Variants in RSBN1L observed in about 807,000 individuals in gnomAD.
RSBN1L encodes the protein round spermatid basic protein 1 like, also known as lysine-specific demethylase RSBN1L.
In RSBN1L, 30 loss-of-function variants were observed where a neutral mutation model predicts 67.7. The ratio of observed to expected loss-of-function variants is 0.44; its 90% CI spans 0.33 to 0.60. The LOEUF is 0.60. Ranked by LOEUF, RSBN1L falls within the 20% of genes least tolerant of loss-of-function variation. RSBN1L has a pLI of 0.02. For synonymous variants in RSBN1L, 433 were observed against 387.0 expected (o/e 1.12, Z -1.39); for missense variants, 992 against 1,031.7 (o/e 0.96, Z 0.53).
chr7:77,719,417 A>T (rs140232436), intron 1 of RSBN1L, among the ~76,000 whole-genome samples: 93 of 152,368 alleles, frequency 6.1e-4, no homozygotes, highest in Non-Finnish European at 7.2e-4. Context: ...CATTTGCATT[A>T]CAGAGTATAA....
At chr7:77,728,762 T>C (rs1584285193) in intron 1 of RSBN1L, among the ~76,000 whole-genome samples, 1 of 152,184 alleles carries the variant, frequency 6.6e-6, no homozygotes, top group Non-Finnish European at 1.5e-5. Context: ...TGTAAAACTT[T>C]TAGTCTTGGG....
intron 2 of RSBN1L, among the ~76,000 whole-genome samples, chr7:77,737,289 A>G (rs1791350327): frequency 6.6e-6 from 1 of 152,190 alleles, no homozygotes; most frequent in Admixed American, 6.5e-5. Flanking sequence ...TAGTGCTATC[A>G]TGTTGATAGT....
intron 1 of RSBN1L, among the ~76,000 whole-genome samples, chr7:77,727,724 C>T (rs2150418418): frequency 6.6e-6 from 1 of 152,006 alleles, no homozygotes; most frequent in Admixed American, 6.6e-5. Flanking sequence ...CCTGAGCCTC[C>T]CAGAGTGTTT....
At chr7:77,751,977 A>G (rs1239891051) in intron 3 of RSBN1L, among the ~76,000 whole-genome samples, 3 of 152,230 alleles carry the variant, frequency 2.0e-5, no homozygotes, top group Non-Finnish European at 2.9e-5. Flanking sequence ...GCATCACATT[A>G]CATGCTTTTC....
chr7:77,746,388 A>G (rs943168622), intron 2 of RSBN1L, among the ~76,000 whole-genome samples: 19 of 152,230 alleles, frequency 1.2e-4, no homozygotes, highest in African/African-American at 4.3e-4. Context: ...AAACAACCAG[A>G]TGTCACTCAC....
chr7:77,702,698 C>T (rs981726568), intron 1 of RSBN1L, among the ~76,000 whole-genome samples: 1 of 152,238 alleles, frequency 6.6e-6, no homozygotes, highest in Non-Finnish European at 1.5e-5. Context: ...GAATGGGTGA[C>T]TTAACAGAAA....
chr7:77,766,221 C>T (rs999816918), intron 4 of RSBN1L, among the ~76,000 whole-genome samples: 1 of 152,138 alleles, frequency 6.6e-6, no homozygotes, highest in Non-Finnish European at 1.5e-5. Context: ...TTTGAGACAG[C>T]CTCACTCTCT....
rs796126125 is a variant in RSBN1L at position 77,703,477 on chromosome 7, G to T, written c.586+6422G>T. Among the ~76,000 whole-genome samples, 187 of 61,594 alleles carry T rather than the reference G, an allele frequency of 3.0e-3. 2 individuals are homozygous for T. Among genetic ancestry groups the T allele is most frequent in the African/African-American group, 0.012 (175 of 14,744 alleles). The allele number at this position is 61,594 out of a possible 152,430, so 40.4% of individuals were successfully genotyped here. ...GTGTCTCTTTTTTCCTACTGTTTGG[G>T]TTTTTTTTTTTTTTTTTTTTTTTTT... On this transcript the variant is annotated intron_variant, in intron 1 of 7. Transcript: ENST00000334955.
intron 1 of RSBN1L, among the ~76,000 whole-genome samples, chr7:77,714,586 G>T (rs1349624458): frequency 6.6e-6 from 1 of 152,088 alleles, no homozygotes; most frequent in African/African-American, 2.4e-5. Context: ...GCACAATTTG[G>T]TGCTACAAGT....
intron 1 of RSBN1L, among the ~76,000 whole-genome samples, chr7:77,702,536 T>C (rs902995315): frequency 2.6e-5 from 4 of 152,202 alleles, no homozygotes; most frequent in African/African-American, 7.2e-5. Flanking sequence ...TGCTGTGTTT[T>C]TAATCTTCAT....
intron 1 of RSBN1L, among the ~76,000 whole-genome samples, chr7:77,728,284 C>G (rs1403452942): frequency 6.6e-6 from 1 of 152,084 alleles, no homozygotes; most frequent in Non-Finnish European, 1.5e-5. Context: ...TTCCTGCATA[C>G]TTGATTGATA....
At chr7:77,752,486 C>T (rs1295324120) in intron 3 of RSBN1L, among the ~76,000 whole-genome samples, 2 of 152,122 alleles carry the variant, frequency 1.3e-5, no homozygotes, top group South Asian at 2.1e-4. Flanking sequence ...TAGGCACTGG[C>T]TTTATGAAAC....
intron 2 of RSBN1L, among the ~76,000 whole-genome samples, chr7:77,748,462 C>T (rs1791512050): frequency 1.3e-5 from 2 of 152,118 alleles, no homozygotes; most frequent in Non-Finnish European, 2.9e-5. Flanking sequence ...AAAGGAAAGA[C>T]ACTAGGCATA....
intron 1 of RSBN1L, among the ~76,000 whole-genome samples, chr7:77,735,560 A>G (rs1791323112): frequency 6.6e-6 from 1 of 152,174 alleles, no homozygotes; most frequent in Non-Finnish European, 1.5e-5. Flanking sequence ...GATTTTTAAG[A>G]GATTATGCAG....
Position 77,705,717 on chromosome 7 carries a change from G to T in RSBN1L, c.586+8662G>T, listed in dbSNP as rs528436995. On this transcript the variant is annotated intron_variant, in intron 1 of 7. Transcript: ENST00000334955. ...AGTAGAGACAGGGTTTCACCATGTT[G>T]ACCAGGCTGGTCTTGAACTCCTGAC... Among the ~76,000 whole-genome samples the T allele has an allele frequency of 4.6e-5, 7 of 151,638 alleles. No homozygotes were observed. In the South Asian group the frequency reaches 1.5e-3, roughly 32 times the overall value.
chr7:77,772,946 T>C (rs775558815), intron 5 of RSBN1L, among the ~76,000 whole-genome samples: 3 of 152,248 alleles, frequency 2.0e-5, no homozygotes, highest in Non-Finnish European at 4.4e-5. Context: ...TGTGTTTCCT[T>C]ACAACTGTTC....
rs544399499 is a variant in RSBN1L, at chr7:77,748,278, A to G, written c.704-1146A>G. 2.0e-3 allele frequency among the ~76,000 whole-genome samples: 310 copies of G among 152,330 alleles called. 1 individual carries two copies. The highest frequency in any genetic ancestry group is 0.012 in the South Asian group (58 of 4,830). On this transcript the variant is annotated intron_variant, in intron 2 of 7. Coordinates refer to ENST00000334955, the MANE Select transcript of RSBN1L (RefSeq NM_198467.3). The stretch of plus-strand genomic sequence containing the variant: ...ACCAAAAATTAAGACAGTGGCATCA[A>G]GGAATTCAGAAGTAATCAAGGATGA...
Position 77,749,428 on chromosome 7 carries a change from G to A in RSBN1L, c.708G>A (p.Gly236=). 1 of 1,548,458 alleles carries A rather than the reference G, an allele frequency of 6.5e-7. No homozygotes were observed. The highest frequency in any genetic ancestry group is 8.7e-7 in the Non-Finnish European group (1 of 1,153,608). Residue 236 remains glycine (G), a synonymous_variant, in exon 3 of 8, where the codon GGG becomes GGA. Transcript: ENST00000334955. ...AAAAAACATTTTTTCCAACAGGTGGGAAGGAGAAACCAAAAACAAATATAG... is the reference window on the plus strand; with the variant it reads ...AAAAAACATTTTTTCCAACAGGTGGAAAGGAGAAACCAAAAACAAATATAG... ...NGEVKILLKS[G]KEKPKTNIED... is the part of the protein sequence containing the mutation.
intron 3 of RSBN1L, among the ~76,000 whole-genome samples, chr7:77,755,148 G>A (rs1461558938): frequency 6.6e-6 from 1 of 152,086 alleles, no homozygotes; most frequent in African/African-American, 2.4e-5. Flanking sequence ...GAAGAGCAGA[G>A]GTACCAATAT....
Sources: gnomAD v4.1 joint callset for allele counts (sites outside exome capture counted in the v4.1 genomes callset) on GRCh38, gnomAD v4.1.1 for gene constraint, MANE v1.5 for transcripts, NCBI Gene and HGNC (gene_info 2026-07-23, HGNC 2026-07-21) for gene names.